The following GABBR1 variants were observed in gnomAD, a reference collection of about 807,000 sequenced individuals.
GABBR1 encodes the protein GABA-B receptor, R1 subunit.
In GABBR1, 35 loss-of-function variants were observed where a neutral mutation model predicts 117.7. That is an observed-to-expected ratio of 0.30 (90% CI 0.23 to 0.39). GABBR1 has a LOEUF of 0.39. Ranked by LOEUF, GABBR1 falls within the 10% of genes least tolerant of loss-of-function variation. The pLI, the probability that GABBR1 is intolerant of heterozygous loss-of-function variation, is 1.00. For missense variants in GABBR1, 709 were observed against 1,241.8 expected, an observed-to-expected ratio of 0.57 and a Z score of 6.45; for synonymous variants, 442 against 486.6, an observed-to-expected ratio of 0.91 and a Z score of 1.21.
Position 29,609,557 on chromosome 6 carries a change from A to G in GABBR1, c.1709-178T>C, listed in dbSNP as rs1354701984. 6.6e-6 allele frequency among the ~76,000 whole-genome samples: 1 copy of G among 152,210 alleles called. No homozygotes were observed. Among genetic ancestry groups the G allele is most frequent in the Non-Finnish European group, 1.5e-5 (1 of 68,020 alleles). ...AGAGGTTACTGCAGGCAGAATGCTC[A>G]GTGCCACTGGGGCCGTTAGGAAGCA... On this transcript the variant is annotated intron_variant, in intron 14 of 22. Transcript: ENST00000377034. This position sits in a 1 kb window ranked among gnomAD's most constrained non-coding sequence, Gnocchi z 4.3.
At chr6:29,603,905 C>T (rs1208189383) in intron 22 of GABBR1, among the ~76,000 whole-genome samples, 189 bp from the exon 23 acceptor site, 1 of 151,926 alleles carries the variant, frequency 6.6e-6, no homozygotes, top group Non-Finnish European at 1.5e-5. Flanking sequence ...AGCCAGAGAA[C>T]ATAAGGATAC....
chr6:29,608,484 G>A, intron 16 of GABBR1, 117 bp downstream of exon 16: 1 of 1,098,808 alleles, frequency 9.1e-7, no homozygotes, highest in Non-Finnish European at 1.3e-6. Context: ...GAAAGAACAG[G>A]GACAAGAGTC....
chr6:29,622,812 T>A lies in GABBR1; in HGVS notation c.963+493A>T, dbSNP rs555426963. Among the ~76,000 whole-genome samples, 3 of 151,988 alleles carry A rather than the reference T, an allele frequency of 2.0e-5. No individual in the cohort carries two copies. Among genetic ancestry groups the A allele is most frequent in the Non-Finnish European group, 4.4e-5 (3 of 67,986 alleles). On this transcript the variant is annotated intron_variant, in intron 8 of 22. Transcript: ENST00000377034. This position sits in a 1 kb window ranked among gnomAD's most constrained non-coding sequence, Gnocchi z 4.6. ...CTCTTAGTACCAACTACCAGATCCATGCAGCTGCCTTTCTGCCCCTCTCTC... is the reference window on the plus strand; with the variant it reads ...CTCTTAGTACCAACTACCAGATCCAAGCAGCTGCCTTTCTGCCCCTCTCTC...
Position 29,632,375 on chromosome 6 carries a change from A to G in GABBR1, c.11T>C (p.Leu4Pro). 2 of 1,343,800 alleles carry G rather than the reference A, an allele frequency of 1.5e-6. No homozygotes were observed. Among genetic ancestry groups the G allele is most frequent in the African/African-American group, 3.1e-5 (2 of 65,102 alleles). The allele number at this position is 1,343,800 out of a possible 1,614,324, so 83.2% of individuals were successfully genotyped here. Residue 4 changes from leucine (L) to proline (P), a missense_variant, in exon 2 of 23, where the codon CTG becomes CCG. Coordinates refer to ENST00000377034, the MANE Select transcript of GABBR1 (RefSeq NM_001470.4). The surrounding 1 kb of genome is among the most constrained non-coding windows in gnomAD (Gnocchi z 5.8). MLL[L>P]LLLAPLFLRP... The stretch of plus-strand genomic sequence containing the variant: ...GAGGAAGAGTGGCGCCAGTAGCAGC[A>G]GCAGCAACATCTAAGTGAGAGGCGG...
rs983373515 is a variant in GABBR1 at position 29,609,797 on chromosome 6, T to C, written c.1709-418A>G. The stretch of plus-strand genomic sequence containing the variant: ...AAATCAAAGTTTTAAATGACAATTA[T>C]GGAATCATAAAGCTAAAAAGGCCTT... On this transcript the variant is annotated intron_variant, in intron 14 of 22. Transcript: ENST00000377034. This position sits in a 1 kb window ranked among gnomAD's most constrained non-coding sequence, Gnocchi z 4.3. Among the ~76,000 whole-genome samples the C allele has an allele frequency of 6.6e-6, 1 of 151,846 alleles. No homozygotes were observed. The highest frequency in any genetic ancestry group is 3.2e-3 in the Middle Eastern group (1 of 316).
Position 29,611,029 on chromosome 6 carries a change from C to A in GABBR1, c.1631-28G>T, listed in dbSNP as rs759841055. On this transcript the variant is annotated intron_variant, in intron 13 of 22. Coordinates refer to ENST00000377034, the MANE Select transcript of GABBR1 (RefSeq NM_001470.4). This position sits in a 1 kb window ranked among gnomAD's most constrained non-coding sequence, Gnocchi z 4.6. The stretch of plus-strand genomic sequence containing the variant: ...GGGCAGACGACAATAAAAGGAGTGA[C>A]CACAGGTAGCCAAAGAGCTGATCCT... The A allele has an allele frequency of 8.3e-6, 13 of 1,572,214 alleles. No individual in the cohort carries two copies. The highest frequency in any genetic ancestry group is 9.6e-6 in the Non-Finnish European group (11 of 1,143,110).
Position 29,627,429 on chromosome 6 carries a change from G to T in GABBR1, c.657+57C>A. The T allele has an allele frequency of 6.7e-7, 1 of 1,500,346 alleles. No individual in the cohort carries two copies. Among genetic ancestry groups the T allele is most frequent in the Non-Finnish European group, 9.0e-7 (1 of 1,107,776 alleles). 92.9% of individuals were successfully genotyped at this position (1,500,346 alleles called of 1,614,324 possible). On this transcript the variant is annotated intron_variant, in intron 6 of 22. Coordinates refer to ENST00000377034, the MANE Select transcript of GABBR1 (RefSeq NM_001470.4). This position sits in a 1 kb window ranked among gnomAD's most constrained non-coding sequence, Gnocchi z 4.4. ...AGACAGATGGGGGCGCGTGCAGCTG[G>T]CTGGCCCCCTGCCCCGCAAGCCCCC...
chr6:29,609,371 G>A lies in GABBR1; in HGVS notation c.1717C>T (p.Pro573Ser). Reference protein sequence around the residue: ...SKTDKWIGGSPPADQTLVIKT... With the variant: ...SKTDKWIGGSSPADQTLVIKT... ...ATGACCAGGGTCTGGTCAGCTGGGG[G>A]GGACCCTCCTGCATGGCACAGGGGA... The change falls in exon 15 of 23, where the codon CCC (proline) becomes TCC (serine). Residue 573 changes from proline (P) to serine (S), a missense_variant. Physicochemically the swap from Pro to Ser is moderately conservative, Grantham distance 74 (BLOSUM62 -1). Transcript: ENST00000377034. This position sits in a 1 kb window ranked among gnomAD's most constrained non-coding sequence, Gnocchi z 4.3. 1 of 1,612,952 alleles carries A rather than the reference G, an allele frequency of 6.2e-7. No individual in the cohort carries two copies. Among genetic ancestry groups the A allele is most frequent in the Non-Finnish European group, 8.5e-7 (1 of 1,179,978 alleles).
Position 29,604,469 on chromosome 6 carries a change from C to T in GABBR1, c.2712+25G>A, listed in dbSNP as rs748033045. ...CAAGCCTCCTGGACCACTCCAACAC[C>T]CTACCCTGACACCCACCCCCGCACC... On this transcript the variant is annotated intron_variant, in intron 22 of 22. Coordinates refer to ENST00000377034, the MANE Select transcript of GABBR1 (RefSeq NM_001470.4). This position sits in a 1 kb window ranked among gnomAD's most constrained non-coding sequence, Gnocchi z 5.3. 6.2e-7 allele frequency: 1 copy of T among 1,613,220 alleles called. No homozygotes were observed.
Position 29,602,761 on chromosome 6 carries a change from T to C in GABBR1, c.*782A>G, listed in dbSNP as rs1232802948. On this transcript the variant is annotated 3_prime_UTR_variant, in exon 23 of 23. Coordinates refer to ENST00000377034, the MANE Select transcript of GABBR1 (RefSeq NM_001470.4). ...CAAATAGGAAAGACATGACTCAGCATGCTAGACAAATTGCACATGCCTACC... is the reference window on the plus strand; with the variant it reads ...CAAATAGGAAAGACATGACTCAGCACGCTAGACAAATTGCACATGCCTACC... The C allele has an allele frequency of 5.8e-6, 2 of 347,180 alleles. No homozygotes were observed. The highest frequency in any genetic ancestry group is 1.1e-5 in the Non-Finnish European group (2 of 177,396). 21.5% of individuals were successfully genotyped at this position (347,180 alleles called of 1,614,324 possible).
intron 6 of GABBR1, among the ~76,000 whole-genome samples, chr6:29,624,566 T>C (rs1037745578): frequency 6.6e-6 from 1 of 151,948 alleles, no homozygotes; most frequent in Non-Finnish European, 1.5e-5. Context: ...ACAAGACCAG[T>C]AGGGGGTCCC....
At position 29,623,868 on chromosome 6, in the gene GABBR1, T is replaced by G; in HGVS notation, c.792+22A>C. Reference sequence around the variant, plus strand: ...CTCAAAAGGGAATGACCCCATCTTCTGACCCCCATAGCCCTGCTTACCACA... The same window carrying G: ...CTCAAAAGGGAATGACCCCATCTTCGGACCCCCATAGCCCTGCTTACCACA... On this transcript the variant is annotated intron_variant, in intron 7 of 22. Transcript: ENST00000377034. The surrounding 1 kb of genome is among the most constrained non-coding windows in gnomAD (Gnocchi z 6.2). 6.2e-7 allele frequency: 1 copy of G among 1,608,380 alleles called. No homozygotes were observed. Among genetic ancestry groups the G allele is most frequent in the Non-Finnish European group, 8.5e-7 (1 of 1,177,750 alleles).
chr6:29,632,271 A>G lies in GABBR1; in HGVS notation c.85+30T>C. The G allele has an allele frequency of 7.7e-7, 1 of 1,296,408 alleles. No homozygotes were observed. The highest frequency in any genetic ancestry group is 1.8e-5 in the South Asian group (1 of 54,572). The allele number at this position is 1,296,408 out of a possible 1,614,324, so 80.3% of individuals were successfully genotyped here. A position where few individuals can be genotyped will look rare whatever the true frequency, so the allele number is the denominator to read the frequency against. ...CAGGGAAAGGGAAGTGGAGCGAAGGAGGGCCGGAGGTCGTCGAAGAAGGAT... is the reference window on the plus strand; with the variant it reads ...CAGGGAAAGGGAAGTGGAGCGAAGGGGGGCCGGAGGTCGTCGAAGAAGGAT... On this transcript the variant is annotated intron_variant, in intron 2 of 22. Transcript: ENST00000377034. The surrounding 1 kb of genome is among the most constrained non-coding windows in gnomAD (Gnocchi z 5.8).
At chr6:29,616,797 C>A (rs1200828602) in intron 11 of GABBR1, among the ~76,000 whole-genome samples, 1 of 145,006 alleles carries the variant, frequency 6.9e-6, no homozygotes, top group Non-Finnish European at 1.5e-5. Flanking sequence ...AAGGCTGCAG[C>A]GATTGTACCA....
chr6:29,605,348 G>T lies in GABBR1; in HGVS notation c.2439+221C>A. ...TTCTGTTTCCTCACCTATAAAGTGG[G>T]GATACTAATATCTACTTCACTGGGT... On this transcript the variant is annotated intron_variant, in intron 20 of 22. Coordinates refer to ENST00000377034, the MANE Select transcript of GABBR1 (RefSeq NM_001470.4). This position sits in a 1 kb window ranked among gnomAD's most constrained non-coding sequence, Gnocchi z 4.2. 1.7e-6 allele frequency: 1 copy of T among 598,046 alleles called. No individual in the cohort carries two copies. Among genetic ancestry groups the T allele is most frequent in the Non-Finnish European group, 2.9e-6 (1 of 342,190 alleles). The allele number at this position is 598,046 out of a possible 1,614,324, so 37.0% of individuals were successfully genotyped here.
chr6:29,608,817 T>G, intron 15 of GABBR1, 84 bp from the exon 16 acceptor site: 3 of 1,446,382 alleles, frequency 2.1e-6, no homozygotes, highest in Non-Finnish European at 2.8e-6. Context: ...TACCACGCAA[T>G]GGCATGACCC....
chr6:29,619,932 G>A (rs896432731), intron 11 of GABBR1, among the ~76,000 whole-genome samples: 9 of 152,210 alleles, frequency 5.9e-5, no homozygotes, highest in Non-Finnish European at 1.3e-4. Context: ...CCATGTGGCA[G>A]CAGATCTTTC....
Position 29,603,673 on chromosome 6 carries a change from C to A in GABBR1, c.2756G>T (p.Arg919Leu). 6.6e-7 allele frequency: 1 copy of A among 1,511,056 alleles called. No individual in the cohort carries two copies. Among genetic ancestry groups the A allele is most frequent in the Non-Finnish European group, 8.8e-7 (1 of 1,133,234 alleles). The allele number at this position is 1,511,056 out of a possible 1,614,324, so 93.6% of individuals were successfully genotyped here. ...VSELRHQLQS[R>L]QQLRSRRHPP... ...GTGGCGCCGGGAGCGGAGCTGCTGCCGAGACTGGAGTTGATGGCGCAGTTC... is the reference window on the plus strand; with the variant it reads ...GTGGCGCCGGGAGCGGAGCTGCTGCAGAGACTGGAGTTGATGGCGCAGTTC... Residue 919 changes from arginine (R) to leucine (L), a missense_variant, in exon 23 of 23, where the codon CGG (arginine) becomes CTG (leucine). Transcript: ENST00000377034.
In GABBR1 at chr6:29,632,513, G is replaced by A. The variant is rs893314375; in HGVS notation, c.1-128C>T. The A allele has an allele frequency of 8.4e-6, 8 of 957,532 alleles. No individual in the cohort carries two copies. The highest frequency in any genetic ancestry group is 4.0e-5 in the Admixed American group (1 of 25,044). 59.3% of individuals were successfully genotyped at this position (957,532 alleles called of 1,614,324 possible). The stretch of plus-strand genomic sequence containing the variant: ...GGCTCAGCCTGGGGACCAAGAGAGC[G>A]CCCCGCGGAGGAGGCGGGGGCGGAG... On this transcript the variant is annotated intron_variant, in intron 1 of 22. Coordinates refer to ENST00000377034, the MANE Select transcript of GABBR1 (RefSeq NM_001470.4). This position sits in a 1 kb window ranked among gnomAD's most constrained non-coding sequence, Gnocchi z 5.8.
Sources: gnomAD v4.1 joint callset for allele counts (sites outside exome capture counted in the v4.1 genomes callset) on GRCh38, gnomAD v4.1.1 for gene constraint, Gnocchi (gnomAD v3.1) non-coding constraint, MANE v1.5 for transcripts, NCBI Gene and HGNC (gene_info 2026-07-23, HGNC 2026-07-21) for gene names.